The following PC variants were observed in gnomAD, a reference collection of about 807,000 sequenced individuals.
PC encodes pyruvate carboxylase, also known as pyruvate carboxylase, mitochondrial.
Under a neutral mutation model 107.8 loss-of-function variants are expected in PC, and 46 were observed. That is an observed-to-expected ratio of 0.43 (90% CI 0.34 to 0.55). PC has a LOEUF of 0.55. PC is among the 20% of genes least tolerant of loss of function. PC has a pLI of 0.04. For synonymous variants in PC, 662 were observed against 684.7 expected (o/e 0.97, Z 0.52); for missense variants, 1,241 against 1,643.1 (o/e 0.76, Z 4.23).
chr11:66,950,381 C>T (rs1565307585), intron 3 of PC, among the ~76,000 whole-genome samples: 1 of 152,212 alleles, frequency 6.6e-6, no homozygotes, highest in Non-Finnish European at 1.5e-5. Flanking sequence ...CCCTCCCGGC[C>T]CCACCTCTTT....
rs770570814 is a variant in PC at position 66,851,768 on chromosome 11, GCCCAC to G, written c.1982+17_1982+21del. The stretch of plus-strand genomic sequence containing the variant: ...CTCTGGGCCACACCAGGTAGCGTCT[GCCCAC>G]CCCACCCCAGGCTCACTTGAAGACC... On this transcript the variant is annotated intron_variant, in intron 16 of 22. Transcript: ENST00000393960. 6.2e-7 allele frequency: 1 copy of G among 1,612,932 alleles called. No homozygotes were observed. Among genetic ancestry groups the G allele is most frequent in the Non-Finnish European group, 8.5e-7 (1 of 1,179,332 alleles).
Position 66,929,731 on chromosome 11 carries a change from G to C in PC, c.-1+22699C>G, listed in dbSNP as rs187400920. Among the ~76,000 whole-genome samples the C allele has an allele frequency of 9.9e-5, 15 of 152,156 alleles. No homozygotes were observed. In the East Asian group the frequency reaches 2.1e-3, roughly 22 times the overall value. ...GAGGTCTCACTATGTTGCCCAGGCT[G>C]GTTTCAAACTCCTGGGCTCAAGTGA... On this transcript the variant is annotated intron_variant, in intron 3 of 22. Coordinates refer to ENST00000393960, the MANE Select transcript of PC (RefSeq NM_001040716.2).
intron 3 of PC, among the ~76,000 whole-genome samples, chr11:66,930,794 G>GAAAA (rs1405327734): frequency 4.8e-5 from 7 of 146,344 alleles, no homozygotes; most frequent in Non-Finnish European, 9.0e-5. Context: ...CCTGAGAGAG[G>GAAAA]AAAAAAAACA....
chr11:66,863,763 C>A lies in PC; in HGVS notation c.1368+11G>T. 6.2e-7 allele frequency: 1 copy of A among 1,601,236 alleles called. No individual in the cohort carries two copies. ...CGGGAGCAAAGGCAGGCGGGGGCTG[C>A]AGCCTCTCACCTTCACACCTCGGAC... is the stretch of plus-strand genomic sequence containing the variant. On this transcript the variant is annotated intron_variant, in intron 12 of 22. Transcript: ENST00000393960.
chr11:66,888,535 A>T (rs2136003339), intron 3 of PC, among the ~76,000 whole-genome samples: 1 of 152,264 alleles, frequency 6.6e-6, no homozygotes, highest in Non-Finnish European at 1.5e-5. Context: ...ATGGGGAGGG[A>T]GGCCCAGGTC....
chr11:66,953,085 C>G lies in PC; in HGVS notation c.-39-617G>C, dbSNP rs7941232. The stretch of plus-strand genomic sequence containing the variant: ...GTGGCACCATGCCTGGCACAGAGGA[C>G]ACACTGGGACGTTAACCGACAGGCT... On this transcript the variant is annotated intron_variant, in intron 2 of 22. Transcript: ENST00000393960. Among the ~76,000 whole-genome samples the G allele has an allele frequency of 8.4e-3, 1,285 of 152,380 alleles. 13 individuals are homozygous for G. The highest frequency in any genetic ancestry group is 0.014 in the Non-Finnish European group (930 of 68,034).
chr11:66,850,638 G>A (rs1000193996), intron 18 of PC, 36 bp downstream of exon 18: 1 of 1,603,726 alleles, frequency 6.2e-7, no homozygotes, highest in Non-Finnish European at 8.5e-7. Flanking sequence ...CTGCGGCTTT[G>A]AGAGGGGTGT....
rs190835110 is a variant in PC, at chr11:66,955,002, G to A, written c.-227-566C>T. On this transcript the variant is annotated intron_variant, in intron 1 of 22. Transcript: ENST00000393960. Reference sequence around the variant, plus strand: ...ACGAGGCCTCCAGCCCATGCAGAAGGTGCCAGTGAGAAATGTGGATTGCCA... The same window carrying A: ...ACGAGGCCTCCAGCCCATGCAGAAGATGCCAGTGAGAAATGTGGATTGCCA... 6.6e-5 allele frequency among the ~76,000 whole-genome samples: 10 copies of A among 151,786 alleles called. 1 individual carries two copies. The highest frequency in any genetic ancestry group is 6.6e-4 in the Admixed American group (10 of 15,248).
intron 17 of PC, 57 bp downstream of exon 17, chr11:66,850,983 G>GGGTGGCGGGGACATGGCCGGGGCAGA: frequency 1.9e-6 from 3 of 1,608,990 alleles, no homozygotes; most frequent in Non-Finnish European, 1.7e-6. Context: ...GTGTGCCTGT[G>GGGTGGCGGGGACATGGCCGGGGCAGA]GGTGGCGGGG....
In PC at chr11:66,906,564, C is replaced by G. The variant is rs115884228; in HGVS notation, c.1-34405G>C. Among the ~76,000 whole-genome samples the G allele has an allele frequency of 1.7e-3, 254 of 152,312 alleles. 1 individual carries two copies. The highest frequency in any genetic ancestry group is 5.7e-3 in the African/African-American group (239 of 41,566). ...ATTGCTAATCCCGAGCAGTTTGGGACTAAGCAGAGGGAAATAGAGCTGAAG... is the reference window on the plus strand; with the variant it reads ...ATTGCTAATCCCGAGCAGTTTGGGAGTAAGCAGAGGGAAATAGAGCTGAAG... On this transcript the variant is annotated intron_variant, in intron 3 of 22. Transcript: ENST00000393960.
rs1946010764 is a variant in PC, at chr11:66,858,424, T to C, written c.1369-5041A>G. On this transcript the variant is annotated intron_variant, in intron 12 of 22. Coordinates refer to ENST00000393960, the MANE Select transcript of PC (RefSeq NM_001040716.2). The surrounding 1 kb of genome is among the most constrained non-coding windows in gnomAD (Gnocchi z 5.9). Reference sequence around the variant, plus strand: ...GATGCAGAGGCCTCTCCCGCCCCCCTGGTGCTGAGCTTTAGCGGGAACCCC... The same window carrying C: ...GATGCAGAGGCCTCTCCCGCCCCCCCGGTGCTGAGCTTTAGCGGGAACCCC... 1.3e-6 allele frequency: 2 copies of C among 1,554,926 alleles called. No homozygotes were observed. Among genetic ancestry groups the C allele is most frequent in the African/African-American group, 1.4e-5 (1 of 73,762 alleles).
intron 3 of PC, among the ~76,000 whole-genome samples, chr11:66,907,067 C>T (rs1273628240): frequency 6.6e-6 from 1 of 152,192 alleles, no homozygotes; most frequent in Non-Finnish European, 1.5e-5. Context: ...CACGAAGGGC[C>T]GGCTGGTGCT....
chr11:66,873,830 T>C (rs149457102), intron 3 of PC, among the ~76,000 whole-genome samples: 6,538 of 151,836 alleles, frequency 0.043, 223 homozygotes, highest in Non-Finnish European at 0.063. Flanking sequence ...TGCAATGGCA[T>C]GATCTCTGCT....
At chr11:66,902,639 C>T (rs2136047263) in intron 3 of PC, among the ~76,000 whole-genome samples, 1 of 152,300 alleles carries the variant, frequency 6.6e-6, no homozygotes, top group East Asian at 1.9e-4. Context: ...TCCTCCCTGC[C>T]TGCCAACCTC....
intron 3 of PC, among the ~76,000 whole-genome samples, chr11:66,887,140 C>A (rs764267239): frequency 6.6e-6 from 1 of 152,190 alleles, no homozygotes; most frequent in Non-Finnish European, 1.5e-5. Flanking sequence ...AGGAGTCCTG[C>A]AGCTACTGGT....
rs112362874 is a variant in PC, at chr11:66,863,480, C to T, written c.1368+294G>A. 8.9e-3 allele frequency among the ~76,000 whole-genome samples: 1,359 copies of T among 152,306 alleles called. 21 individuals are homozygous for T. Among genetic ancestry groups the T allele is most frequent in the African/African-American group, 0.03 (1,265 of 41,564 alleles). ...CCAGGTGATTCTCACCCCAGAGGGG[C>T]GGGACACAGCGTGGGTCTCCCCGGA... On this transcript the variant is annotated intron_variant, in intron 12 of 22. Coordinates refer to ENST00000393960, the MANE Select transcript of PC (RefSeq NM_001040716.2).
rs1439221788 is a variant in PC, at chr11:66,852,498, T to A, written c.1766A>T (p.Lys589Met). Residue 589 changes from lysine to methionine, a missense_variant, in exon 15 of 23, where the codon AAG (lysine) becomes ATG (methionine). Physicochemically the swap from Lys to Met is moderately conservative, Grantham distance 95. Around this residue, in one of 2 missense-constraint regions of PC, gnomAD observed 1,143 missense variants for 1,551.9 expected, o/e 0.74. Transcript: ENST00000393960. The surrounding 1 kb of genome is among the most constrained non-coding windows in gnomAD (Gnocchi z 4.7). The stretch of plus-strand genomic sequence containing the variant: ...GTTGTGGGCAACATAGGGGGCGATC[T>A]TTTTGAGATCGTGGGTGCGCACACG... ...ATRVRTHDLK[K>M]IAPYVAHNFS... The A allele has an allele frequency of 1.2e-6, 2 of 1,614,100 alleles. No individual in the cohort carries two copies. Among genetic ancestry groups the A allele is most frequent in the Non-Finnish European group, 1.7e-6 (2 of 1,180,032 alleles).
intron 3 of PC, among the ~76,000 whole-genome samples, chr11:66,948,012 A>AAGAC (rs529359165): frequency 4.5e-5 from 6 of 134,624 alleles, no homozygotes; most frequent in African/African-American, 1.4e-4. Flanking sequence ...ATCTCTACTA[A>AAGAC]AGATAGATAG....
At position 66,858,072 on chromosome 11, in the gene PC, G is replaced by A. The variant is rs1406930361; in HGVS notation, c.1369-4689C>T. The A allele has an allele frequency of 6.2e-7, 1 of 1,609,616 alleles. No individual in the cohort carries two copies. Among genetic ancestry groups the A allele is most frequent in the South Asian group, 1.1e-5 (1 of 91,044 alleles). On this transcript the variant is annotated intron_variant, in intron 12 of 22. Transcript: ENST00000393960. The surrounding 1 kb of genome is among the most constrained non-coding windows in gnomAD (Gnocchi z 5.9). Reference sequence around the variant, plus strand: ...CCACCTTGACGGCAACAGGCTGGTGGAGCTGGGCACCGGGAGCCTCCGGGG... The same window carrying A: ...CCACCTTGACGGCAACAGGCTGGTGAAGCTGGGCACCGGGAGCCTCCGGGG...
Sources: allele counts gnomAD v4.1 joint callset (sites outside exome capture counted in the v4.1 genomes callset), GRCh38; gene constraint gnomAD v4.1.1; regional missense constraint gnomAD v4.1.1; non-coding constraint Gnocchi (gnomAD v3.1); transcripts MANE v1.5; gene names NCBI Gene and HGNC (gene_info 2026-07-23, HGNC 2026-07-21).